The following SAMD4B variants were observed in gnomAD, a reference collection of about 807,000 sequenced individuals.
SAMD4B encodes the protein sterile alpha motif domain containing 4B.
A neutral mutation model predicts 74.5 loss-of-function variants in SAMD4B; 5 were observed. That is an observed-to-expected ratio of 0.07 (90% CI 0.04 to 0.14). The LOEUF (loss-of-function observed/expected upper bound fraction) is 0.14. SAMD4B is among the 10% of genes least tolerant of loss of function. SAMD4B has a pLI of 1.00. For missense variants in SAMD4B, 608 were observed against 921.8 expected, an observed-to-expected ratio of 0.66 and a Z score of 4.41; for synonymous variants, 373 against 374.9, an observed-to-expected ratio of 1.00 and a Z score of 0.06.
At chr19:39,377,916 G>A in intron 8 of SAMD4B, 92 bp downstream of exon 8, 2 of 1,248,468 alleles carry the variant, frequency 1.6e-6, no homozygotes, top group Non-Finnish European at 1.1e-6. Flanking sequence ...GATGGTGGGA[G>A]CAGGGCTTTG....
chr19:39,371,816 CAAA>C (rs35567892), intron 4 of SAMD4B, among the ~76,000 whole-genome samples: 1 of 124,542 alleles, frequency 8.0e-6, no homozygotes. Flanking sequence ...GACCCCATCT[CAAA>C]AAAAAAAAAA....
At chr19:39,380,905 G>A in intron 11 of SAMD4B, 85 bp from the exon 12 acceptor site, 1 of 1,527,828 alleles carries the variant, frequency 6.5e-7, no homozygotes, top group Non-Finnish European at 8.8e-7. Flanking sequence ...GGTGGGAGTG[G>A]GAGAAGGCCT....
intron 12 of SAMD4B, among the ~76,000 whole-genome samples, chr19:39,382,634 T>G (rs962652035): frequency 1.2e-4 from 18 of 152,090 alleles, no homozygotes; most frequent in Non-Finnish European, 2.6e-4. Context: ...AGGTCAGGTC[T>G]GCCCAGGGAG....
At chr19:39,370,442 A>G (rs1399325063) in intron 4 of SAMD4B, among the ~76,000 whole-genome samples, 1 of 152,218 alleles carries the variant, frequency 6.6e-6, no homozygotes, top group Non-Finnish European at 1.5e-5. Context: ...CAAAAGATCT[A>G]GCAACTCAAC....
Position 39,383,739 on chromosome 19 carries a change from G to T in SAMD4B, c.*212G>T. The T allele has an allele frequency of 3.9e-6, 6 of 1,532,624 alleles. No individual in the cohort carries two copies. The highest frequency in any genetic ancestry group is 5.2e-6 in the Non-Finnish European group (6 of 1,144,052). The allele number at this position is 1,532,624 out of a possible 1,614,324, so 94.9% of individuals were successfully genotyped here. On this transcript the variant is annotated 3_prime_UTR_variant, in exon 14 of 14. Coordinates refer to ENST00000610417, the MANE Select transcript of SAMD4B (RefSeq NM_001384574.2). This position sits in a 1 kb window ranked among gnomAD's most constrained non-coding sequence, Gnocchi z 4.1. The stretch of plus-strand genomic sequence containing the variant: ...CGAGGGATCTCTGCTGAGGCCCGGG[G>T]AGTTGGGGGCAGCCAGGATAAAGGG...
At position 39,375,999 on chromosome 19, in the gene SAMD4B, A is replaced by C; in HGVS notation, c.907+110A>C. 1 of 1,398,686 alleles carries C rather than the reference A, an allele frequency of 7.1e-7. No individual in the cohort carries two copies. The highest frequency in any genetic ancestry group is 9.6e-7 in the Non-Finnish European group (1 of 1,036,870). 86.6% of individuals were successfully genotyped at this position (1,398,686 alleles called of 1,614,324 possible). ...CTGCTTACCCCTCTGAGGAGGGGAC[A>C]TGTCTGAGGGGAGTAGATAGTCCCT... On this transcript the variant is annotated intron_variant, in intron 5 of 13. Transcript: ENST00000610417. The surrounding 1 kb of genome is among the most constrained non-coding windows in gnomAD (Gnocchi z 4.1).
Position 39,377,747 on chromosome 19 carries a change from CTGATGG to C in SAMD4B, c.1368_1373del (p.Asp457_Gly458del). The C allele has an allele frequency of 6.2e-7, 1 of 1,614,210 alleles. No homozygotes were observed. Among genetic ancestry groups the C allele is most frequent in the Non-Finnish European group, 8.5e-7 (1 of 1,180,024 alleles). On this transcript the variant is annotated inframe_deletion, in exon 8 of 14. Transcript: ENST00000610417. ...CCACCTCCACCAGCTCCAGCTCCCA[CTGATGG>C]CAGTGAGCCTGCCCCGGCTCCCGTC...
intron 3 of SAMD4B, among the ~76,000 whole-genome samples, chr19:39,367,670 G>C (rs539621924): frequency 6.6e-6 from 1 of 151,334 alleles, no homozygotes; most frequent in South Asian, 2.1e-4. Flanking sequence ...CACCATGCCC[G>C]GTTAATTTTT....
chr19:39,380,516 A>T (rs1239511080), intron 10 of SAMD4B, 71 bp from the exon 11 acceptor site: 7 of 1,502,662 alleles, frequency 4.7e-6, no homozygotes, highest in Non-Finnish European at 6.5e-6. Context: ...GTTGTTGGGG[A>T]AGGTGAGGAA....
At chr19:39,368,000 GT>G (rs2077070927) in intron 3 of SAMD4B, among the ~76,000 whole-genome samples, 1 of 151,574 alleles carries the variant, frequency 6.6e-6, no homozygotes, top group East Asian at 2.0e-4. Flanking sequence ...GGATCACGAG[GT>G]CAGGAGATCG....
intron 1 of SAMD4B, 65 bp from the exon 2 acceptor site, chr19:39,353,941 A>G (rs759103091): frequency 2.6e-5 from 4 of 152,204 alleles, no homozygotes; most frequent in African/African-American, 9.7e-5. Context: ...ATATCATACA[A>G]TGTGGGATCT....
At chr19:39,373,178 A>G (rs2077406551) in intron 4 of SAMD4B, among the ~76,000 whole-genome samples, 1 of 152,076 alleles carries the variant, frequency 6.6e-6, no homozygotes, top group Non-Finnish European at 1.5e-5. Context: ...CTCCCGTGGG[A>G]ACTGGGGCAA....
At chr19:39,389,449 A>G (rs2078325068), downstream of SAMD4B, 1 of 1,613,046 alleles carries the variant, frequency 6.2e-7, no homozygotes, top group Non-Finnish European at 8.5e-7. This position sits in a 1 kb window ranked among gnomAD's most constrained non-coding sequence, Gnocchi z 5.3. Context: ...CACCTGAGCC[A>G]GTCTCCAGTA....
At chr19:39,368,070 T>C (rs2077075840) in intron 3 of SAMD4B, among the ~76,000 whole-genome samples, 1 of 151,662 alleles carries the variant, frequency 6.6e-6, no homozygotes, top group South Asian at 2.1e-4. Flanking sequence ...AAAAATAAGC[T>C]GGGCGTGGTG....
At chr19:39,368,163 A>G (rs1479982887) in intron 3 of SAMD4B, among the ~76,000 whole-genome samples, 1 of 152,018 alleles carries the variant, frequency 6.6e-6, no homozygotes, top group Non-Finnish European at 1.5e-5. Context: ...GCAGTGAGCC[A>G]AGATCGCGCC....
At position 39,377,593 on chromosome 19, in the gene SAMD4B, A is replaced by G. The variant is rs765643703; in HGVS notation, c.1213A>G (p.Thr405Ala). Reference protein sequence around the residue: ...SVLQATVAAATTTPTAKDGAP... With the variant: ...SVLQATVAAAATTPTAKDGAP... ...CCTCCAGGCCACCGTGGCTGCCGCCACCACCACCCCTACTGCCAAGGATGG... is the reference window on the plus strand; with the variant it reads ...CCTCCAGGCCACCGTGGCTGCCGCCGCCACCACCCCTACTGCCAAGGATGG... Residue 405 changes from threonine (T) to alanine (A), a missense_variant, in exon 8 of 14, where the codon ACC (threonine) becomes GCC (alanine). This residue lies in a region of SAMD4B where 99 missense variants were observed against 112.1 expected (regional missense o/e 0.88). Transcript: ENST00000610417. 5.0e-6 allele frequency: 8 copies of G among 1,613,860 alleles called. No homozygotes were observed. The highest frequency in any genetic ancestry group is 1.7e-4 in the Middle Eastern group (1 of 6,060).
At chr19:39,366,654 G>A (rs922280443) in intron 3 of SAMD4B, among the ~76,000 whole-genome samples, 2 of 152,158 alleles carry the variant, frequency 1.3e-5, no homozygotes, top group African/African-American at 4.8e-5. Flanking sequence ...AGAGTTCTAA[G>A]GGGATCATTA....
In SAMD4B at chr19:39,383,355, G is replaced by A. The variant is rs1317902135; in HGVS notation, c.2056+64G>A. The A allele has an allele frequency of 3.2e-6, 5 of 1,584,582 alleles. No homozygotes were observed. In the South Asian group the frequency reaches 5.5e-5, roughly 18 times the overall value. On this transcript the variant is annotated intron_variant, in intron 13 of 13. Coordinates refer to ENST00000610417, the MANE Select transcript of SAMD4B (RefSeq NM_001384574.2). The surrounding 1 kb of genome is among the most constrained non-coding windows in gnomAD (Gnocchi z 4.1). ...CCCAGCGTCTCTGCCTCTGAACTGA[G>A]CAACTCAGAGTCATCCTGAGGGGTC...
chr19:39,390,373 G>A (rs1195908485), downstream of SAMD4B: 2 of 1,235,656 alleles, frequency 1.6e-6, no homozygotes, highest in East Asian at 2.5e-5. Context: ...CCTTTCAAAA[G>A]GTAGGAGGGG....
Sources: gnomAD v4.1 joint callset for allele counts (sites outside exome capture counted in the v4.1 genomes callset) on GRCh38, gnomAD v4.1.1 for gene constraint, gnomAD v4.1.1 regional missense constraint, Gnocchi (gnomAD v3.1) non-coding constraint, MANE v1.5 for transcripts, NCBI Gene and HGNC (gene_info 2026-07-23, HGNC 2026-07-21) for gene names.